Variants in INVS observed in about 807,000 individuals in gnomAD.
The protein encoded by INVS is inversin, also known as inversion of embryo turning homolog.
A neutral mutation model predicts 108.8 loss-of-function variants in INVS; 86 were observed. The ratio of observed to expected loss-of-function variants is 0.79; its 90% CI spans 0.66 to 0.95. INVS has a LOEUF of 0.95. Among genes scored for constraint, INVS ranks in the 40% least tolerant of loss-of-function variants. The probability of loss-of-function intolerance (pLI) is 0.00; values close to 1 mark genes in which losing one functional copy is unlikely to be tolerated. For missense variants in INVS, 1,169 were observed against 1,297.4 expected (o/e 0.90, Z 1.52); for synonymous variants, 455 against 473.5 (o/e 0.96, Z 0.51).
At chr9:100,154,104 A>G (rs1005353972) in intron 3 of INVS, among the ~76,000 whole-genome samples, 1 of 152,174 alleles carries the variant, frequency 6.6e-6, no homozygotes, top group Non-Finnish European at 1.5e-5. Context: ...ATGTATACAC[A>G]GGGTTATTTA....
At chr9:100,290,346 T>C (rs1480000598) in intron 13 of INVS, among the ~76,000 whole-genome samples, 1 of 152,238 alleles carries the variant, frequency 6.6e-6, no homozygotes, top group African/African-American at 2.4e-5. Context: ...TATTTTCTTA[T>C]ATCCCTTTCT....
intron 16 of INVS, among the ~76,000 whole-genome samples, chr9:100,299,057 A>G (rs1428471242): frequency 6.6e-6 from 1 of 152,214 alleles, no homozygotes; most frequent in Admixed American, 6.5e-5. Context: ...ACTACCAGAA[A>G]TCTTTTAAAA....
At chr9:100,102,403 T>C (rs1827024960) in intron 1 of INVS, among the ~76,000 whole-genome samples, 1 of 152,220 alleles carries the variant, frequency 6.6e-6, no homozygotes, top group Non-Finnish European at 1.5e-5. Context: ...TATTGAAATA[T>C]GGTTCATTTT....
chr9:100,242,761 G>A (rs917260589), intron 7 of INVS, 82 bp downstream of exon 7: 16 of 821,692 alleles, frequency 1.9e-5, no homozygotes, highest in South Asian at 1.5e-4. Flanking sequence ...GTAGTTGTAG[G>A]AAATAATACA....
At chr9:100,217,258 A>C (rs1296118963) in intron 3 of INVS, among the ~76,000 whole-genome samples, 4 of 152,114 alleles carry the variant, frequency 2.6e-5, no homozygotes, top group Non-Finnish European at 4.4e-5. Context: ...GCAGTGAGCC[A>C]AGATCGCGCC....
chr9:100,225,249 C>T (rs993898829), intron 3 of INVS, among the ~76,000 whole-genome samples: 3 of 151,688 alleles, frequency 2.0e-5, no homozygotes, highest in African/African-American at 7.3e-5. Flanking sequence ...GGGGTTTCAC[C>T]GTGCTGGCCA....
chr9:100,192,381 C>A (rs1830249728), intron 3 of INVS, among the ~76,000 whole-genome samples: 1 of 151,716 alleles, frequency 6.6e-6, no homozygotes, highest in Non-Finnish European at 1.5e-5. Flanking sequence ...ATAGCTTATT[C>A]TTTCTCTGTT....
chr9:100,202,857 T>A (rs903197458), intron 3 of INVS, among the ~76,000 whole-genome samples: 2 of 152,236 alleles, frequency 1.3e-5, no homozygotes, highest in South Asian at 2.1e-4. Context: ...TCCCCAGATG[T>A]GCATGACTGC....
chr9:100,155,493 T>C (rs1218513766), intron 3 of INVS, among the ~76,000 whole-genome samples: 2 of 152,034 alleles, frequency 1.3e-5, no homozygotes, highest in African/African-American at 2.4e-5. Flanking sequence ...CGCACCACCA[T>C]GCCCAGCTAA....
intron 8 of INVS, among the ~76,000 whole-genome samples, chr9:100,251,901 G>C (rs2118557032): frequency 6.6e-6 from 1 of 152,318 alleles, no homozygotes; most frequent in Non-Finnish European, 1.5e-5. Flanking sequence ...TGAGTGGGTT[G>C]TTGGGCAGAA....
intron 3 of INVS, among the ~76,000 whole-genome samples, chr9:100,201,408 C>T (rs1207064652): frequency 2.0e-5 from 3 of 152,180 alleles, no homozygotes; most frequent in Non-Finnish European, 4.4e-5. Flanking sequence ...GTTATGCAGA[C>T]GTCTTTGAAA....
At chr9:100,111,067 A>T (rs746145593) in intron 2 of INVS, among the ~76,000 whole-genome samples, 1 of 152,230 alleles carries the variant, frequency 6.6e-6, no homozygotes, top group Non-Finnish European at 1.5e-5. Context: ...TCACTCTATA[A>T]CAATAAGCAG....
At chr9:100,242,494 C>G in intron 6 of INVS, 76 bp from the exon 7 acceptor site, 1 of 886,830 alleles carries the variant, frequency 1.1e-6, no homozygotes, top group Non-Finnish European at 1.9e-6. Context: ...TTTTTCTTAT[C>G]TTTTTCATTT....
intron 3 of INVS, among the ~76,000 whole-genome samples, chr9:100,173,942 A>T (rs1460909987): frequency 6.6e-6 from 1 of 152,220 alleles, no homozygotes; most frequent in African/African-American, 2.4e-5. Flanking sequence ...CATAATTTAG[A>T]GTTTGGGTTC....
chr9:100,228,544 G>C (rs1437416868), intron 4 of INVS, among the ~76,000 whole-genome samples: 1 of 152,178 alleles, frequency 6.6e-6, no homozygotes, highest in Non-Finnish European at 1.5e-5. Context: ...GTGATAACCA[G>C]ATGTGCATTA....
intron 2 of INVS, among the ~76,000 whole-genome samples, chr9:100,106,053 A>G (rs1827169236): frequency 6.6e-6 from 1 of 151,950 alleles, no homozygotes; most frequent in African/African-American, 2.4e-5. Flanking sequence ...TGAATGTTTC[A>G]TACCTCTCAC....
intron 11 of INVS, among the ~76,000 whole-genome samples, chr9:100,270,050 A>G (rs79004421): frequency 0.011 from 1,648 of 152,302 alleles, 16 homozygotes; most frequent in African/African-American, 0.016. Context: ...ATATAAAGTA[A>G]GTTGTTTAAA....
intron 3 of INVS, among the ~76,000 whole-genome samples, chr9:100,209,374 T>C (rs551769326): frequency 6.6e-6 from 1 of 152,254 alleles, no homozygotes; most frequent in African/African-American, 2.4e-5. Flanking sequence ...CCTCCTTATT[T>C]TTCATGTGGG....
chr9:100,272,218 A>G (rs576761733), intron 11 of INVS, among the ~76,000 whole-genome samples: 52 of 152,234 alleles, frequency 3.4e-4, no homozygotes, highest in African/African-American at 1.2e-3. Flanking sequence ...GACTTCCAAC[A>G]TCATTTTTTA....
Sources: gnomAD v4.1 joint callset for allele counts (sites outside exome capture counted in the v4.1 genomes callset) on GRCh38, gnomAD v4.1.1 for gene constraint, MANE v1.5 for transcripts, NCBI Gene and HGNC (gene_info 2026-07-23, HGNC 2026-07-21) for gene names.